TBC1D22A: variants seen among roughly 807,000 people sequenced by gnomAD.
The protein encoded by TBC1D22A is putative GTPase activator.
In TBC1D22A, 38 loss-of-function variants were observed where a neutral mutation model predicts 60.2. The observed-to-expected ratio is 0.63, with a 90% CI of 0.49 to 0.83. The LOEUF (loss-of-function observed/expected upper bound fraction) is 0.83, where lower values mean the gene tolerates loss of function less well. Among genes scored for constraint, TBC1D22A ranks in the 40% least tolerant of loss-of-function variants. The pLI is 0.00. For missense variants in TBC1D22A, 628 were observed against 701.0 expected (o/e 0.90, Z 1.18); for synonymous variants, 302 against 281.7 (o/e 1.07, Z -0.72).
chr22:46,987,339 A>G (rs1387994365), intron 9 of TBC1D22A, among the ~76,000 whole-genome samples: 1 of 152,196 alleles, frequency 6.6e-6, no homozygotes, highest in Non-Finnish European at 1.5e-5. Context: ...TGTATCTAGT[A>G]ATCTTGCTAG....
chr22:46,893,060 G>A (rs1251665386), intron 6 of TBC1D22A, among the ~76,000 whole-genome samples: 1 of 152,206 alleles, frequency 6.6e-6, no homozygotes, highest in Non-Finnish European at 1.5e-5. Flanking sequence ...TTTGACCTGT[G>A]GACTGAGCCC....
rs553310176 is a variant in TBC1D22A, at chr22:47,041,029, C to T, written c.1329+3831C>T. ...CATCCTGTGCAGGTGGCGGGGGACTCGCTGGTAAACGGGCGAACATCTCCA... is the reference window on the plus strand; with the variant it reads ...CATCCTGTGCAGGTGGCGGGGGACTTGCTGGTAAACGGGCGAACATCTCCA... On this transcript the variant is annotated intron_variant, in intron 11 of 12. Transcript: ENST00000337137. 3.3e-5 allele frequency among the ~76,000 whole-genome samples: 5 copies of T among 152,228 alleles called. No individual in the cohort carries two copies. The East Asian group carries it at 7.8e-4, about 24-fold the overall frequency.
At chr22:47,025,868 G>C (rs1358137392) in intron 10 of TBC1D22A, among the ~76,000 whole-genome samples, 1 of 152,118 alleles carries the variant, frequency 6.6e-6, no homozygotes, top group Non-Finnish European at 1.5e-5. Context: ...GAGTGTGTGA[G>C]AAGAGGCTGT....
chr22:47,160,475 C>G (rs1333818990), intron 12 of TBC1D22A, among the ~76,000 whole-genome samples: 1 of 152,188 alleles, frequency 6.6e-6, no homozygotes, highest in Non-Finnish European at 1.5e-5. Flanking sequence ...GACGCAGCTG[C>G]AGCCCCAAGC....
At chr22:46,911,471 G>T (rs2069917321) in intron 7 of TBC1D22A, among the ~76,000 whole-genome samples, 1 of 152,186 alleles carries the variant, frequency 6.6e-6, no homozygotes, top group South Asian at 2.1e-4. Context: ...TCCACTGATA[G>T]GTCAGGTGCT....
chr22:46,949,442 C>T (rs916153666), intron 8 of TBC1D22A, among the ~76,000 whole-genome samples: 1 of 152,190 alleles, frequency 6.6e-6, no homozygotes, highest in Admixed American at 6.5e-5. Flanking sequence ...TCTGATGCTC[C>T]CCTCCAGCCC....
At chr22:46,875,948 G>A (rs2067539268) in intron 4 of TBC1D22A, among the ~76,000 whole-genome samples, 1 of 151,690 alleles carries the variant, frequency 6.6e-6, no homozygotes, top group African/African-American at 2.4e-5. Context: ...CAAGGCTGGT[G>A]CTCATGACCC....
At chr22:47,035,939 G>A (rs528307179) in intron 10 of TBC1D22A, among the ~76,000 whole-genome samples, 1 of 152,282 alleles carries the variant, frequency 6.6e-6, no homozygotes, top group Admixed American at 6.5e-5. Context: ...AAGTTACCAG[G>A]GACTTGAGTA....
rs901357377 is a variant in TBC1D22A, at chr22:46,774,233, G to T, written c.62+11385G>T. ...TCGGCAGCAGAGATTCTTCTGGAGT[G>T]AGGTGAGCAGCTTGTTCTAGGTCCC... On this transcript the variant is annotated intron_variant, in intron 1 of 12. Coordinates refer to ENST00000337137, the MANE Select transcript of TBC1D22A (RefSeq NM_014346.5). 1.5e-5 allele frequency: 15 copies of T among 985,534 alleles called. No individual in the cohort carries two copies. In the Admixed American group the frequency reaches 2.5e-4, roughly 16 times the overall value. 61.0% of individuals were successfully genotyped at this position (985,534 alleles called of 1,614,324 possible). A position where few individuals can be genotyped will look rare whatever the true frequency, so the allele number is the denominator to read the frequency against.
At chr22:47,087,103 G>A (rs1425174517) in intron 11 of TBC1D22A, among the ~76,000 whole-genome samples, 3 of 152,246 alleles carry the variant, frequency 2.0e-5, no homozygotes, top group Non-Finnish European at 2.9e-5. Flanking sequence ...AACTGTGTGT[G>A]TCATATCCCA....
Position 47,172,329 on chromosome 22 carries a change from A to C in TBC1D22A, c.1426-1169A>C, listed in dbSNP as rs376576155. ...AGTCTGTCCAGCAGCCCTGACAGTAATTTACTACAGTAAATAAAAATTTGT... is the reference window on the plus strand; with the variant it reads ...AGTCTGTCCAGCAGCCCTGACAGTACTTTACTACAGTAAATAAAAATTTGT... On this transcript the variant is annotated intron_variant, in intron 12 of 12. Transcript: ENST00000337137. Among the ~76,000 whole-genome samples the C allele has an allele frequency of 3.5e-4, 53 of 152,368 alleles. 1 individual carries two copies. The East Asian group carries it at 5.4e-3, about 16-fold the overall frequency.
rs1040454249 is a variant in TBC1D22A at position 47,043,422 on chromosome 22, C to T, written c.1329+6224C>T. Among the ~76,000 whole-genome samples, 9 of 152,274 alleles carry T rather than the reference C, an allele frequency of 5.9e-5. No individual in the cohort carries two copies. In the South Asian group the frequency reaches 6.2e-4, roughly 11 times the overall value. ...GAGGCTCAGCACACCTGCAGTGCTC[C>T]AGGTGAGAGACATAGCATGGTCAGG... On this transcript the variant is annotated intron_variant, in intron 11 of 12. Coordinates refer to ENST00000337137, the MANE Select transcript of TBC1D22A (RefSeq NM_014346.5).
intron 10 of TBC1D22A, among the ~76,000 whole-genome samples, chr22:47,035,830 T>C (rs1372011142): frequency 6.6e-6 from 1 of 152,202 alleles, no homozygotes; most frequent in African/African-American, 2.4e-5. Context: ...GGCACCCGCA[T>C]GTCTTAGTAG....
chr22:46,862,537 C>T (rs2087954929), intron 4 of TBC1D22A, among the ~76,000 whole-genome samples: 1 of 152,230 alleles, frequency 6.6e-6, no homozygotes, highest in Non-Finnish European at 1.5e-5. Flanking sequence ...GGCCATTCTC[C>T]CAGTGAAGCA....
At chr22:47,044,840 C>T (rs9626934) in intron 11 of TBC1D22A, among the ~76,000 whole-genome samples, 4,422 of 152,268 alleles carry the variant, frequency 0.029, 225 homozygotes, top group African/African-American at 0.1. Context: ...AAGTCCTTAG[C>T]GACTTTAAGC....
At chr22:46,895,571 C>T (rs1305531925) in intron 7 of TBC1D22A, among the ~76,000 whole-genome samples, 1 of 152,106 alleles carries the variant, frequency 6.6e-6, no homozygotes, top group Non-Finnish European at 1.5e-5. Flanking sequence ...AGGGATTTGC[C>T]TTGTTGGCCA....
At chr22:47,037,334 A>C in intron 11 of TBC1D22A, 136 bp downstream of exon 11, 1 of 1,298,188 alleles carries the variant, frequency 7.7e-7, no homozygotes, top group Non-Finnish European at 1.0e-6. Context: ...GCGGTCTTTA[A>C]AAAGTATACT....
At chr22:46,900,441 TG>T (rs1569193452) in intron 7 of TBC1D22A, among the ~76,000 whole-genome samples, 2 of 152,160 alleles carry the variant, frequency 1.3e-5, no homozygotes, top group Admixed American at 1.3e-4. Context: ...TGAGTAACTG[TG>T]CCCGGCTTGA....
At chr22:46,928,244 T>G (rs1410060077) in intron 8 of TBC1D22A, among the ~76,000 whole-genome samples, 2 of 151,944 alleles carry the variant, frequency 1.3e-5, no homozygotes, top group African/African-American at 4.8e-5. Context: ...ATCAGTGGAG[T>G]AGAATTGAGA....
Sources: allele counts gnomAD v4.1 joint callset (sites outside exome capture counted in the v4.1 genomes callset), GRCh38; gene constraint gnomAD v4.1.1; transcripts MANE v1.5; gene names NCBI Gene and HGNC (gene_info 2026-07-23, HGNC 2026-07-21).